Variants in DGKB observed in about 807,000 individuals in gnomAD.
DGKB encodes the protein 90 kDa diacylglycerol kinase.
A neutral mutation model predicts 114.3 loss-of-function variants in DGKB; 67 were observed. The observed-to-expected ratio is 0.59, with a 90% CI of 0.48 to 0.72. The LOEUF (loss-of-function observed/expected upper bound fraction) is 0.72, where lower values mean the gene tolerates loss of function less well. DGKB is among the 30% of genes least tolerant of loss of function. DGKB has a pLI of 0.00. For synonymous variants in DGKB, 398 were observed against 323.1 expected (o/e 1.23, Z -2.49); for missense variants, 907 against 975.2 (o/e 0.93, Z 0.93).
At chr7:14,205,592 A>G (rs1786652348) in intron 23 of DGKB, among the ~76,000 whole-genome samples, 1 of 152,020 alleles carries the variant, frequency 6.6e-6, no homozygotes, top group African/African-American at 2.4e-5. Flanking sequence ...TTCTGAGACT[A>G]TCTTCAAAGA....
At chr7:14,382,455 C>G (rs1479466548) in intron 21 of DGKB, among the ~76,000 whole-genome samples, 1 of 149,994 alleles carries the variant, frequency 6.7e-6, no homozygotes, top group Non-Finnish European at 1.5e-5. Context: ...TGCCTGTACA[C>G]ACACACACAC....
At chr7:14,691,968 A>G (rs1822947529) in intron 9 of DGKB, among the ~76,000 whole-genome samples, 1 of 152,072 alleles carries the variant, frequency 6.6e-6, no homozygotes, top group Admixed American at 6.6e-5. Flanking sequence ...AATTATGTAC[A>G]GTTAATAGAG....
At chr7:14,457,948 T>A (rs1312908512) in intron 21 of DGKB, among the ~76,000 whole-genome samples, 1 of 152,192 alleles carries the variant, frequency 6.6e-6, no homozygotes, top group Non-Finnish European at 1.5e-5. Context: ...GTATGCTTAA[T>A]AGGGAAGGAC....
intron 20 of DGKB, among the ~76,000 whole-genome samples, chr7:14,485,995 T>C (rs1024708396): frequency 6.6e-6 from 1 of 152,170 alleles, no homozygotes; most frequent in Non-Finnish European, 1.5e-5. Flanking sequence ...TATTAGGTGA[T>C]GGCAAAATTT....
At position 14,715,430 on chromosome 7, in the gene DGKB, C is replaced by A. The variant is rs144825554; in HGVS notation, c.466+3112G>T. Among the ~76,000 whole-genome samples, 10 of 152,172 alleles carry A rather than the reference C, an allele frequency of 6.6e-5. No homozygotes were observed. The East Asian group carries it at 1.9e-3, about 29-fold the overall frequency. On this transcript the variant is annotated intron_variant, in intron 6 of 25. Coordinates refer to ENST00000402815, the MANE Select transcript of DGKB (RefSeq NM_001350709.2). ...AGCACTTGAAGTTAGAAGGGCAAATCAGCCCTGAGACCATGTCCTTGTTCA... is the reference window on the plus strand; with the variant it reads ...AGCACTTGAAGTTAGAAGGGCAAATAAGCCCTGAGACCATGTCCTTGTTCA...
chr7:14,909,922 A>T (rs1783895816), intron 1 of DGKB, among the ~76,000 whole-genome samples: 1 of 152,118 alleles, frequency 6.6e-6, no homozygotes, highest in African/African-American at 2.4e-5. Flanking sequence ...AAAATCATGT[A>T]TTAGCTGGGC....
chr7:14,389,855 A>G (rs1821052606), intron 21 of DGKB, among the ~76,000 whole-genome samples: 1 of 152,182 alleles, frequency 6.6e-6, no homozygotes, highest in African/African-American at 2.4e-5. Flanking sequence ...TAATCCTCTG[A>G]GAGGAATAAT....
At chr7:14,464,131 T>C (rs1391553467) in intron 21 of DGKB, among the ~76,000 whole-genome samples, 1 of 152,132 alleles carries the variant, frequency 6.6e-6, no homozygotes, top group Non-Finnish European at 1.5e-5. Flanking sequence ...TACTTTAAAT[T>C]ACTTTAGTTA....
At chr7:14,960,013 T>G (rs2115266224) in intron 1 of DGKB, among the ~76,000 whole-genome samples, 1 of 152,182 alleles carries the variant, frequency 6.6e-6, no homozygotes, top group East Asian at 1.9e-4. Context: ...CTGGCTGTAT[T>G]TTTACAGGGA....
intron 23 of DGKB, among the ~76,000 whole-genome samples, chr7:14,336,578 A>G (rs1352197790): frequency 6.6e-6 from 1 of 152,162 alleles, no homozygotes; most frequent in Non-Finnish European, 1.5e-5. Context: ...ATTTATGGGA[A>G]ATTGGTTCTA....
intron 21 of DGKB, among the ~76,000 whole-genome samples, chr7:14,454,147 A>G (rs187693814): frequency 5.3e-5 from 8 of 152,216 alleles, no homozygotes; most frequent in Admixed American, 2.0e-4. Context: ...GTGTTAGAAC[A>G]TTACACTTCT....
At chr7:14,522,240 G>A (rs375127393) in intron 20 of DGKB, among the ~76,000 whole-genome samples, 2 of 152,250 alleles carry the variant, frequency 1.3e-5, no homozygotes, top group East Asian at 3.9e-4. Context: ...AAGGCTTTCT[G>A]ACATCTTTGT....
intron 23 of DGKB, among the ~76,000 whole-genome samples, chr7:14,337,261 A>G (rs1305828902): frequency 6.6e-6 from 1 of 151,946 alleles, no homozygotes; most frequent in Non-Finnish European, 1.5e-5. Context: ...TATAGCACGA[A>G]CCTCATTTTT....
chr7:14,392,995 G>GTTTTTGTTCTTTTTTTTTTTT, intron 21 of DGKB, among the ~76,000 whole-genome samples: 1 of 60,546 alleles, frequency 1.7e-5, no homozygotes, highest in Non-Finnish European at 3.4e-5. Context: ...TTTTGTTTTT[G>GTTTTTGTTCTTTTTTTTTTTT]TTTTTTTTTT....
chr7:14,610,857 T>C (rs1028430526), intron 16 of DGKB, among the ~76,000 whole-genome samples: 1 of 152,132 alleles, frequency 6.6e-6, no homozygotes, highest in African/African-American at 2.4e-5. Context: ...ACCAGCTTTA[T>C]AAATTTCTTG....
At chr7:14,806,418 C>T (rs544539739) in intron 2 of DGKB, among the ~76,000 whole-genome samples, 25 of 152,106 alleles carry the variant, frequency 1.6e-4, no homozygotes, top group African/African-American at 5.8e-4. Flanking sequence ...TAGTTAAGCT[C>T]ATAACATTTA....
chr7:14,882,848 C>T (rs548195225), intron 1 of DGKB, among the ~76,000 whole-genome samples: 116 of 151,840 alleles, frequency 7.6e-4, no homozygotes, highest in African/African-American at 2.7e-3. Context: ...TCTTATCTTA[C>T]CCTATCTTAT....
intron 21 of DGKB, among the ~76,000 whole-genome samples, chr7:14,462,296 G>C (rs1290605701): frequency 6.6e-6 from 1 of 152,104 alleles, no homozygotes; most frequent in African/African-American, 2.4e-5. Flanking sequence ...TATTCAAATA[G>C]GAAGAGAGGA....
At chr7:14,272,161 T>G (rs950595480) in intron 23 of DGKB, among the ~76,000 whole-genome samples, 1 of 152,176 alleles carries the variant, frequency 6.6e-6, no homozygotes, top group Non-Finnish European at 1.5e-5. Context: ...GTTATTTATA[T>G]GCTATTTTTC....
Sources: gnomAD v4.1 joint callset for allele counts (sites outside exome capture counted in the v4.1 genomes callset) on GRCh38, gnomAD v4.1.1 for gene constraint, MANE v1.5 for transcripts, NCBI Gene and HGNC (gene_info 2026-07-23, HGNC 2026-07-21) for gene names.